FHIP1A: variants seen among roughly 807,000 people sequenced by gnomAD.
FHIP1A encodes the protein FHF complex subunit HOOK interacting protein 1A, also known as FHF complex subunit HOOK-interacting protein 1A.
FHIP1A carries 61 observed loss-of-function variants against 88.6 expected under a neutral mutation model. The observed-to-expected ratio is 0.69, with a 90% CI of 0.56 to 0.85. The LOEUF (loss-of-function observed/expected upper bound fraction) is 0.85. Among genes scored for constraint, FHIP1A ranks in the 40% least tolerant of loss-of-function variants. FHIP1A has a pLI of 0.00. For synonymous variants in FHIP1A, 478 were observed against 496.0 expected, an observed-to-expected ratio of 0.96 and a Z score of 0.48; for missense variants, 1,154 against 1,273.5, an observed-to-expected ratio of 0.91 and a Z score of 1.43.
At chr4:151,485,238 A>G (rs1362838925) in intron 3 of FHIP1A, among the ~76,000 whole-genome samples, 2 of 139,902 alleles carry the variant, frequency 1.4e-5, no homozygotes, top group Admixed American at 7.2e-5. Context: ...CACATATTCT[A>G]TGACCCTTAT....
At chr4:151,568,922 A>C (rs1733493958) in intron 4 of FHIP1A, among the ~76,000 whole-genome samples, 1 of 152,212 alleles carries the variant, frequency 6.6e-6, no homozygotes. Flanking sequence ...AGAGCCAGGC[A>C]GAGATGTGGG....
At chr4:151,443,113 A>T (rs1452455696) in intron 1 of FHIP1A, among the ~76,000 whole-genome samples, 1 of 151,970 alleles carries the variant, frequency 6.6e-6, no homozygotes, top group African/African-American at 2.4e-5. Context: ...TCTACAAAAA[A>T]TTGGTATAAA....
intron 3 of FHIP1A, among the ~76,000 whole-genome samples, chr4:151,527,177 G>A (rs1357592257): frequency 1.3e-5 from 2 of 152,182 alleles, no homozygotes; most frequent in African/African-American, 4.8e-5. Flanking sequence ...GCAGGCTGCT[G>A]GGAGGTGGAG....
chr4:151,616,517 C>T (rs1392931928), intron 7 of FHIP1A, among the ~76,000 whole-genome samples: 4 of 134,058 alleles, frequency 3.0e-5, no homozygotes, highest in Non-Finnish European at 6.1e-5. Context: ...GGTGCGATCT[C>T]GGCTCACTGC....
chr4:151,453,000 A>AT (rs1037831270), intron 1 of FHIP1A, among the ~76,000 whole-genome samples: 6 of 151,240 alleles, frequency 4.0e-5, no homozygotes, highest in African/African-American at 1.2e-4. Context: ...ATTTTATAAA[A>AT]TTAGGCCTAT....
chr4:151,443,434 C>T (rs953059143), intron 1 of FHIP1A, among the ~76,000 whole-genome samples: 4 of 152,118 alleles, frequency 2.6e-5, no homozygotes, highest in African/African-American at 9.6e-5. Context: ...TCAGCTACCA[C>T]GCATGCCTGG....
intron 3 of FHIP1A, among the ~76,000 whole-genome samples, chr4:151,509,027 G>A (rs1407903313): frequency 1.3e-5 from 2 of 152,150 alleles, no homozygotes; most frequent in Non-Finnish European, 2.9e-5. Flanking sequence ...CTTAAGCAGT[G>A]CTACAGTGCT....
intron 4 of FHIP1A, among the ~76,000 whole-genome samples, chr4:151,574,366 T>C (rs963177088): frequency 6.6e-6 from 1 of 152,220 alleles, no homozygotes; most frequent in Admixed American, 6.5e-5. Context: ...CTTAGTTCTC[T>C]TTTTAAAGTT....
intron 1 of FHIP1A, among the ~76,000 whole-genome samples, chr4:151,450,458 A>G (rs190293352): frequency 4.6e-5 from 7 of 152,254 alleles, no homozygotes; most frequent in African/African-American, 1.4e-4. Flanking sequence ...TATTTAATCT[A>G]TCCTCTTCTA....
intron 3 of FHIP1A, among the ~76,000 whole-genome samples, chr4:151,495,704 AC>A: frequency 7.0e-6 from 1 of 142,552 alleles, no homozygotes; most frequent in South Asian, 2.3e-4. Flanking sequence ...GCTCACTGCA[AC>A]CTCCACCTCC....
At chr4:151,446,567 G>C (rs1368860445) in intron 1 of FHIP1A, among the ~76,000 whole-genome samples, 1 of 129,322 alleles carries the variant, frequency 7.7e-6, no homozygotes, top group Non-Finnish European at 1.6e-5. Flanking sequence ...AAATATGAAT[G>C]TGTTGTTCTT....
intron 3 of FHIP1A, among the ~76,000 whole-genome samples, chr4:151,486,131 A>T (rs1035240204): frequency 6.6e-6 from 1 of 152,078 alleles, no homozygotes; most frequent in South Asian, 2.1e-4. Context: ...GCCACTGCTG[A>T]TCTAACAGGA....
intron 3 of FHIP1A, among the ~76,000 whole-genome samples, chr4:151,520,034 C>T (rs1040312749): frequency 5.3e-5 from 8 of 152,086 alleles, no homozygotes; most frequent in Non-Finnish European, 2.9e-5. Flanking sequence ...CATTTTGTGA[C>T]TTGCCTATTC....
intron 3 of FHIP1A, among the ~76,000 whole-genome samples, chr4:151,514,714 TA>T (rs1223266110): frequency 6.6e-6 from 1 of 151,950 alleles, no homozygotes; most frequent in Non-Finnish European, 1.5e-5. Flanking sequence ...AAGAAATGGA[TA>T]AATTCCTCGA....
At chr4:151,428,551 A>G (rs935978011) in intron 1 of FHIP1A, among the ~76,000 whole-genome samples, 2 of 152,098 alleles carry the variant, frequency 1.3e-5, no homozygotes, top group Non-Finnish European at 2.9e-5. Context: ...TAATATTTAA[A>G]CAATGTAGAT....
intron 1 of FHIP1A, among the ~76,000 whole-genome samples, chr4:151,410,385 T>G (rs1192998245): frequency 6.6e-6 from 1 of 152,252 alleles, no homozygotes; most frequent in Non-Finnish European, 1.5e-5. Context: ...TGCTTCCCTA[T>G]AGATTGGGCT....
chr4:151,471,335 A>C (rs529906103), intron 2 of FHIP1A, among the ~76,000 whole-genome samples: 148 of 151,170 alleles, frequency 9.8e-4, no homozygotes, highest in African/African-American at 3.3e-3. Flanking sequence ...AGGAAAAAAA[A>C]AAAAAGAAAA....
chr4:151,513,619 C>A (rs62327257), intron 3 of FHIP1A, among the ~76,000 whole-genome samples: 78,468 of 151,256 alleles, frequency 0.52, 20,646 homozygotes, highest in African/African-American at 0.55. Flanking sequence ...TCTACCAAGC[C>A]AATGGAAAAC....
At chr4:151,596,076 G>T (rs1010996088) in intron 7 of FHIP1A, among the ~76,000 whole-genome samples, 7 of 152,188 alleles carry the variant, frequency 4.6e-5, no homozygotes, top group Admixed American at 6.5e-5. Flanking sequence ...TATGATGCTA[G>T]CTGGTTATTT....
Sources: gnomAD v4.1 joint callset for allele counts (sites outside exome capture counted in the v4.1 genomes callset) on GRCh38, gnomAD v4.1.1 for gene constraint, MANE v1.5 for transcripts, NCBI Gene and HGNC (gene_info 2026-07-23, HGNC 2026-07-21) for gene names.